Variants in HOMER1 observed in about 807,000 individuals in gnomAD.
HOMER1 encodes the protein homer protein homolog 1.
A neutral mutation model predicts 48.9 loss-of-function variants in HOMER1; 3 were observed. The ratio of observed to expected loss-of-function variants is 0.06; its 90% CI spans 0.03 to 0.16. The LOEUF (loss-of-function observed/expected upper bound fraction) is 0.16. HOMER1 is among the 10% of genes least tolerant of loss of function. The pLI is 1.00. For synonymous variants in HOMER1, 134 were observed against 146.4 expected (o/e 0.92, Z 0.61); for missense variants, 247 against 411.4 (o/e 0.60, Z 3.46).
chr5:79,414,132 G>A (rs542727366), intron 5 of HOMER1, among the ~76,000 whole-genome samples: 14 of 152,228 alleles, frequency 9.2e-5, no homozygotes, highest in African/African-American at 3.4e-4. Flanking sequence ...TTGTTACCCA[G>A]GCTGGAGTGC....
intron 1 of HOMER1, among the ~76,000 whole-genome samples, chr5:79,464,637 T>C (rs183734510): frequency 2.6e-5 from 4 of 152,206 alleles, no homozygotes; most frequent in Non-Finnish European, 4.4e-5. Context: ...ATCAGGGAAC[T>C]GGTTTAAATC....
intron 1 of HOMER1, among the ~76,000 whole-genome samples, chr5:79,475,794 A>T (rs1437740729): frequency 6.6e-6 from 1 of 152,168 alleles, no homozygotes; most frequent in Non-Finnish European, 1.5e-5. Context: ...TCCAAACCAC[A>T]CTATCACTCC....
At chr5:79,456,090 G>GGTT (rs1254459253) in intron 2 of HOMER1, among the ~76,000 whole-genome samples, 1 of 150,862 alleles carries the variant, frequency 6.6e-6, no homozygotes, top group African/African-American at 2.4e-5. Flanking sequence ...AGGAGGCAGA[G>GGTT]GTTGCAGTGA....
chr5:79,502,761 T>C (rs1440312755), intron 1 of HOMER1, among the ~76,000 whole-genome samples: 1 of 152,214 alleles, frequency 6.6e-6, no homozygotes, highest in African/African-American at 2.4e-5. Flanking sequence ...GTTAAGGGCA[T>C]TGACCCATGC....
At chr5:79,500,927 TTGTG>T (rs367742665) in intron 1 of HOMER1, among the ~76,000 whole-genome samples, 91 of 124,354 alleles carry the variant, frequency 7.3e-4, no homozygotes, top group Admixed American at 2.2e-3. Flanking sequence ...ACCCAGCCAT[TTGTG>T]TGTGTGTGTG....
At chr5:79,419,544 T>G (rs1045483047) in intron 5 of HOMER1, among the ~76,000 whole-genome samples, 2 of 151,794 alleles carry the variant, frequency 1.3e-5, no homozygotes, top group African/African-American at 4.8e-5. Flanking sequence ...CCAGTTAAAT[T>G]ATATCTCTGT....
intron 5 of HOMER1, among the ~76,000 whole-genome samples, chr5:79,423,947 CAAT>C (rs1428959994): frequency 6.6e-6 from 1 of 152,060 alleles, no homozygotes; most frequent in Non-Finnish European, 1.5e-5. Flanking sequence ...AACATGACAA[CAAT>C]GACAGACCAT....
intron 8 of HOMER1, among the ~76,000 whole-genome samples, chr5:79,378,112 C>CG (rs1484550278): frequency 1.3e-5 from 2 of 149,944 alleles, no homozygotes; most frequent in African/African-American, 4.9e-5. Flanking sequence ...CTCAGCTACT[C>CG]GGGAGACTGA....
In HOMER1 at chr5:79,471,551, GAAA is replaced by G. The variant is rs55724615; in HGVS notation, c.6-14536_6-14534del. 7.2e-3 allele frequency among the ~76,000 whole-genome samples: 701 copies of G among 97,696 alleles called. 11 individuals are homozygous for G. The East Asian group carries it at 0.098, about 14-fold the overall frequency. 64.1% of individuals were successfully genotyped at this position (97,696 alleles called of 152,430 possible). On this transcript the variant is annotated intron_variant, in intron 1 of 8. Transcript: ENST00000334082. Reference sequence around the variant, plus strand: ...AATAAGAGCAAAACTCCATCTCAAAGAAAAAAAAAAAAAAAAAAAAAAGAAAGA... The same window carrying G: ...AATAAGAGCAAAACTCCATCTCAAAGAAAAAAAAAAAAAAAAAAAGAAAGA...
At chr5:79,407,181 T>A (rs1749685783) in intron 5 of HOMER1, among the ~76,000 whole-genome samples, 1 of 152,018 alleles carries the variant, frequency 6.6e-6, no homozygotes, top group Admixed American at 6.5e-5. Context: ...AACCCCCAAA[T>A]GGACTAACTT....
intron 1 of HOMER1, among the ~76,000 whole-genome samples, chr5:79,495,045 T>G (rs986698515): frequency 6.6e-6 from 1 of 152,202 alleles, no homozygotes; most frequent in Non-Finnish European, 1.5e-5. Flanking sequence ...TTTATATGTT[T>G]TATTATATAC....
At chr5:79,450,908 A>T in intron 3 of HOMER1, 82 bp downstream of exon 3, 1 of 1,328,136 alleles carries the variant, frequency 7.5e-7, no homozygotes, top group Non-Finnish European at 1.0e-6. Context: ...CCTATATTTT[A>T]TACTCTCCAT....
At chr5:79,422,827 C>CTTTT (rs556704839) in intron 5 of HOMER1, among the ~76,000 whole-genome samples, 32 of 121,566 alleles carry the variant, frequency 2.6e-4, no homozygotes, top group African/African-American at 8.5e-4. Context: ...AAGATGATCT[C>CTTTT]TTTTTTTTTT....
chr5:79,441,871 C>T (rs1750745746), intron 4 of HOMER1, among the ~76,000 whole-genome samples: 1 of 151,842 alleles, frequency 6.6e-6, no homozygotes, highest in Non-Finnish European at 1.5e-5. Context: ...GTACTTGAAA[C>T]ATGTTTTTTA....
intron 5 of HOMER1, 85 bp from the exon 6 acceptor site, chr5:79,402,140 G>A (rs1263672440): frequency 9.0e-7 from 1 of 1,113,406 alleles, no homozygotes; most frequent in South Asian, 1.5e-5. Context: ...TCTATTGTAG[G>A]GTTTATAGTC....
intron 1 of HOMER1, among the ~76,000 whole-genome samples, chr5:79,505,715 G>C (rs531088914): frequency 1.3e-5 from 2 of 152,256 alleles, no homozygotes; most frequent in East Asian, 3.9e-4. Flanking sequence ...AAATGAAAAG[G>C]TAAGTGTACT....
chr5:79,393,880 C>T (rs1424998215), intron 8 of HOMER1, among the ~76,000 whole-genome samples: 1 of 151,864 alleles, frequency 6.6e-6, no homozygotes, highest in Admixed American at 6.6e-5. Context: ...TGTATACAAA[C>T]AAAAAATGGT....
chr5:79,432,756 C>T lies in HOMER1; in HGVS notation c.527+6254G>A, dbSNP rs548976462. ...ATCTTATTTTAAAATATATAAACTGCTTCTCAGTTTCCAGAGAATGCAGAA... is the reference window on the plus strand; with the variant it reads ...ATCTTATTTTAAAATATATAAACTGTTTCTCAGTTTCCAGAGAATGCAGAA... On this transcript the variant is annotated intron_variant, in intron 5 of 8. Coordinates refer to ENST00000334082, the MANE Select transcript of HOMER1 (RefSeq NM_004272.5). Among the ~76,000 whole-genome samples, 14 of 152,252 alleles carry T rather than the reference C, an allele frequency of 9.2e-5. No individual in the cohort carries two copies. The South Asian group carries it at 2.9e-3, about 32-fold the overall frequency.
intron 5 of HOMER1, among the ~76,000 whole-genome samples, chr5:79,413,325 T>C (rs1368644977): frequency 6.6e-6 from 1 of 152,202 alleles, no homozygotes; most frequent in Non-Finnish European, 1.5e-5. Context: ...AGTGCAAACA[T>C]ATCCTGTATC....
Sources: gnomAD v4.1 joint callset for allele counts (sites outside exome capture counted in the v4.1 genomes callset) on GRCh38, gnomAD v4.1.1 for gene constraint, MANE v1.5 for transcripts, NCBI Gene and HGNC (gene_info 2026-07-23, HGNC 2026-07-21) for gene names.